Variants in NT5C3A observed in about 807,000 individuals in gnomAD.
NT5C3A encodes the protein 5'-nucleotidase, cytosolic IIIA.
A neutral mutation model predicts 40.0 loss-of-function variants in NT5C3A; 23 were observed. The observed-to-expected ratio is 0.58, with a 90% confidence interval of 0.41 to 0.81. NT5C3A has a LOEUF of 0.81. NT5C3A is among the 40% of genes least tolerant of loss of function. NT5C3A has a pLI of 0.00. For synonymous variants in NT5C3A, 130 were observed against 141.4 expected (o/e 0.92, Z 0.57); for missense variants, 328 against 403.0 (o/e 0.81, Z 1.59).
At position 33,015,889 on chromosome 7, in the gene NT5C3A, T is replaced by C. The variant is rs1785297061; in HGVS notation, c.694-19A>G. The C allele has an allele frequency of 2.0e-6, 3 of 1,512,058 alleles. No individual in the cohort carries two copies. The highest frequency in any genetic ancestry group is 2.8e-6 in the Non-Finnish European group (3 of 1,087,332). 93.7% of individuals were successfully genotyped at this position (1,512,058 alleles called of 1,614,324 possible). A position where few individuals can be genotyped will look rare whatever the true frequency, so the allele number is the denominator to read the frequency against. On this transcript the variant is annotated intron_variant, in intron 7 of 8. Transcript: ENST00000610140. Reference sequence around the variant, plus strand: ...GCACCCCCTATGAAAAATATAAATCTTTTGAACAGGCTTTAAAAATTCTAT... The same window carrying C: ...GCACCCCCTATGAAAAATATAAATCCTTTGAACAGGCTTTAAAAATTCTAT...
chr7:33,042,411 G>A (rs1171994735), intron 1 of NT5C3A, among the ~76,000 whole-genome samples: 1 of 151,962 alleles, frequency 6.6e-6, no homozygotes, highest in African/African-American at 2.4e-5. Flanking sequence ...TGAAACCTTT[G>A]ACACTGCTAT....
chr7:33,014,556 G>A lies in NT5C3A; in HGVS notation c.*174C>T, dbSNP rs1562582700. On this transcript the variant is annotated 3_prime_UTR_variant, in exon 9 of 9. Coordinates refer to ENST00000610140, the MANE Select transcript of NT5C3A (RefSeq NM_001002010.5). ...ATACGGTGAGGAGTGTGTTGAGAGA[G>A]GTGGAGAAAAGGAGCTTCCAGTCAA... is the stretch of plus-strand genomic sequence containing the variant. The A allele has an allele frequency of 1.1e-6, 1 of 882,236 alleles. No individual in the cohort carries two copies. The highest frequency in any genetic ancestry group is 1.8e-6 in the Non-Finnish European group (1 of 563,882). 54.7% of individuals were successfully genotyped at this position (882,236 alleles called of 1,614,324 possible).
Position 33,036,467 on chromosome 7 carries a change from T to A in NT5C3A, c.139-9552A>T, listed in dbSNP as rs200371286. The stretch of plus-strand genomic sequence containing the variant: ...TTGACACATAAAGCATCTTTTTTTT[T>A]TTTCTAAGAAGCTCAGCAAGGGTTT... On this transcript the variant is annotated intron_variant, in intron 1 of 8. Transcript: ENST00000610140. The A allele has an allele frequency of 0.013, 2,156 of 171,324 alleles. 72 individuals are homozygous for A. In the East Asian group the frequency reaches 0.13, roughly 11 times the overall value. 10.6% of individuals were successfully genotyped at this position (171,324 alleles called of 1,614,324 possible).
intron 1 of NT5C3A, among the ~76,000 whole-genome samples, chr7:33,040,072 C>G (rs1283832973): frequency 1.3e-5 from 2 of 152,110 alleles, no homozygotes; most frequent in African/African-American, 4.8e-5. Flanking sequence ...TTAAGACACC[C>G]TGAGTTCTTC....
chr7:33,033,893 T>TATATATATATAA (rs1479900522), intron 1 of NT5C3A, among the ~76,000 whole-genome samples: 3 of 80,720 alleles, frequency 3.7e-5, no homozygotes, highest in South Asian at 6.2e-4. Flanking sequence ...TATATATATA[T>TATATATATATAA]AATTTTTTTT....
chr7:33,049,031 C>A (rs73303290), intron 1 of NT5C3A, among the ~76,000 whole-genome samples: 3 of 152,122 alleles, frequency 2.0e-5, no homozygotes, highest in African/African-American at 7.2e-5. Context: ...ATAACTACTA[C>A]GTGGTAAGCA....
At chr7:33,037,737 CA>C (rs1406558941) in intron 1 of NT5C3A, among the ~76,000 whole-genome samples, 1 of 152,048 alleles carries the variant, frequency 6.6e-6, no homozygotes, top group African/African-American at 2.4e-5. Flanking sequence ...TGCAATTTTT[CA>C]CATCTGAAAA....
chr7:33,062,500 T>C, intron 1 of NT5C3A, 68 bp downstream of exon 1: 1 of 1,427,160 alleles, frequency 7.0e-7, no homozygotes, highest in Admixed American at 1.8e-5. Context: ...CAGCACAGGC[T>C]GCCGAGGCCA....
chr7:33,035,509 T>C (rs1410969782), intron 1 of NT5C3A, among the ~76,000 whole-genome samples: 3 of 152,164 alleles, frequency 2.0e-5, no homozygotes, highest in Non-Finnish European at 4.4e-5. Flanking sequence ...AAGCCAGTTC[T>C]GACTCCAAAG....
chr7:33,039,117 A>G lies in NT5C3A; in HGVS notation c.139-12202T>C, dbSNP rs986467947. 2.6e-5 allele frequency among the ~76,000 whole-genome samples: 4 copies of G among 152,204 alleles called. 1 individual carries two copies. Among genetic ancestry groups the G allele is most frequent in the African/African-American group, 9.6e-5 (4 of 41,458 alleles). On this transcript the variant is annotated intron_variant, in intron 1 of 8. Coordinates refer to ENST00000610140, the MANE Select transcript of NT5C3A (RefSeq NM_001002010.5). ...GACTGAAGCAAGAGGTAAGAACTTC[A>G]CTTAACACAAACTTGATAACTGAAA...
chr7:33,036,068 GT>G (rs1786585335), intron 1 of NT5C3A: 1 of 1,071,730 alleles, frequency 9.3e-7, no homozygotes, highest in African/African-American at 1.6e-5. Flanking sequence ...GGTTCTTCCT[GT>G]TATGCCAATA....
chr7:33,034,493 T>C (rs536402651), intron 1 of NT5C3A, among the ~76,000 whole-genome samples: 3 of 152,346 alleles, frequency 2.0e-5, no homozygotes, highest in African/African-American at 7.2e-5. Flanking sequence ...GGTTTAATTC[T>C]ATGTATCAAA....
At chr7:33,034,911 AT>A (rs530371230) in intron 1 of NT5C3A, among the ~76,000 whole-genome samples, 5 of 152,214 alleles carry the variant, frequency 3.3e-5, no homozygotes, top group African/African-American at 9.6e-5. Flanking sequence ...AGAAAGGATT[AT>A]TTTTAATTGT....
intron 1 of NT5C3A, chr7:33,046,138 G>A (rs1787137773): frequency 6.6e-6 from 1 of 152,196 alleles, no homozygotes; most frequent in Non-Finnish European, 1.5e-5. Flanking sequence ...TATCCTAGTA[G>A]ATGACTGTGA....
intron 2 of NT5C3A, 151 bp from the exon 3 acceptor site, chr7:33,024,259 T>A (rs866954804): frequency 2.7e-5 from 18 of 655,708 alleles, no homozygotes; most frequent in Admixed American, 9.4e-5. Flanking sequence ...TCTCTTTACA[T>A]TGAATTTTCT....
chr7:33,035,950 G>A lies in NT5C3A; in HGVS notation c.139-9035C>T, dbSNP rs963992950. ...AATACCCACCATTTTCACATGTACGGCAGACTCTTGATTAGTCATTTCTTG... is the reference window on the plus strand; with the variant it reads ...AATACCCACCATTTTCACATGTACGACAGACTCTTGATTAGTCATTTCTTG... On this transcript the variant is annotated intron_variant, in intron 1 of 8. Transcript: ENST00000610140. The A allele has an allele frequency of 1.2e-6, 2 of 1,612,982 alleles. No individual in the cohort carries two copies. The highest frequency in any genetic ancestry group is 1.3e-5 in the African/African-American group (1 of 74,814).
chr7:33,038,193 G>A (rs940684901), intron 1 of NT5C3A, among the ~76,000 whole-genome samples: 3 of 151,464 alleles, frequency 2.0e-5, no homozygotes, highest in Non-Finnish European at 4.4e-5. Context: ...GAAAAGTACT[G>A]TAGAGTTTAC....
In NT5C3A at chr7:33,014,609, A is replaced by G; in HGVS notation, c.*121T>C. ...CATTCACCATATCTGAAAATACTTC[A>G]GTTATACAAAGGGAACACTTCGAGA... On this transcript the variant is annotated 3_prime_UTR_variant, in exon 9 of 9. Coordinates refer to ENST00000610140, the MANE Select transcript of NT5C3A (RefSeq NM_001002010.5). 7.0e-7 allele frequency: 1 copy of G among 1,425,860 alleles called. No homozygotes were observed. Among genetic ancestry groups the G allele is most frequent in the Non-Finnish European group, 9.6e-7 (1 of 1,044,936 alleles). The allele number at this position is 1,425,860 out of a possible 1,614,324, so 88.3% of individuals were successfully genotyped here.
At chr7:33,060,366 C>CTTTTT (rs1787728971) in intron 1 of NT5C3A, among the ~76,000 whole-genome samples, 2 of 115,554 alleles carry the variant, frequency 1.7e-5, no homozygotes, top group African/African-American at 3.4e-5. Context: ...TCTTGCTTTC[C>CTTTTT]TTCTTTTTTT....
Sources: gnomAD v4.1 joint callset for allele counts (sites outside exome capture counted in the v4.1 genomes callset) on GRCh38, gnomAD v4.1.1 for gene constraint, MANE v1.5 for transcripts, NCBI Gene and HGNC (gene_info 2026-07-23, HGNC 2026-07-21) for gene names.